The following NELL1 variants were observed in gnomAD, a reference collection of about 807,000 sequenced individuals.
NELL1 encodes neural EGFL like 1.
Under a neutral mutation model 107.4 loss-of-function variants are expected in NELL1, and 76 were observed. The observed-to-expected ratio is 0.71, with a 90% CI of 0.59 to 0.86. The LOEUF (loss-of-function observed/expected upper bound fraction) is 0.86. Ranked by LOEUF, NELL1 falls within the 40% of genes least tolerant of loss-of-function variation. The pLI is 0.00. For synonymous variants in NELL1, 353 were observed against 341.2 expected (o/e 1.03, Z -0.38); for missense variants, 1,024 against 1,005.5 (o/e 1.02, Z -0.25).
intron 14 of NELL1, among the ~76,000 whole-genome samples, chr11:21,304,244 C>T (rs1849559548): frequency 6.6e-6 from 1 of 152,020 alleles, no homozygotes; most frequent in Admixed American, 6.6e-5. Context: ...TTAGACTATT[C>T]CACACACTGT....
intron 13 of NELL1, among the ~76,000 whole-genome samples, chr11:21,173,402 A>C (rs373674989): frequency 6.6e-6 from 1 of 151,818 alleles, no homozygotes; most frequent in Non-Finnish European, 1.5e-5. Flanking sequence ...GCACTTTCAC[A>C]TTCTTTTTTT....
chr11:21,478,841 G>GAAAA (rs34783621), intron 15 of NELL1, among the ~76,000 whole-genome samples: 6 of 147,240 alleles, frequency 4.1e-5, no homozygotes, highest in Non-Finnish European at 6.0e-5. Flanking sequence ...AACCCTATAA[G>GAAAA]AAAAAAAAAA....
chr11:21,286,866 A>G (rs1849131526), intron 14 of NELL1, among the ~76,000 whole-genome samples: 1 of 152,196 alleles, frequency 6.6e-6, no homozygotes, highest in African/African-American at 2.4e-5. Flanking sequence ...AATGCATGGA[A>G]TACATGTTTG....
At chr11:20,908,539 A>C (rs918880814) in intron 5 of NELL1, among the ~76,000 whole-genome samples, 2 of 152,052 alleles carry the variant, frequency 1.3e-5, no homozygotes, top group Admixed American at 6.6e-5. Flanking sequence ...GGAACATCAC[A>C]CACTGGGGCC....
intron 4 of NELL1, among the ~76,000 whole-genome samples, chr11:20,883,698 C>A (rs946193773): frequency 6.6e-6 from 1 of 152,182 alleles, no homozygotes; most frequent in South Asian, 2.1e-4. Flanking sequence ...ATTTTGCATT[C>A]CCTTTTTTCC....
At chr11:20,976,577 A>G (rs1851640526) in intron 12 of NELL1, among the ~76,000 whole-genome samples, 1 of 152,226 alleles carries the variant, frequency 6.6e-6, no homozygotes, top group African/African-American at 2.4e-5. Context: ...AGAACATTTT[A>G]CATACCAGAT....
intron 15 of NELL1, among the ~76,000 whole-genome samples, chr11:21,373,212 T>C (rs1200606258): frequency 6.6e-6 from 1 of 152,056 alleles, no homozygotes; most frequent in Non-Finnish European, 1.5e-5. Flanking sequence ...GAGTACATAG[T>C]TTTCAGTCAG....
chr11:21,069,056 G>C (rs1052931708), intron 12 of NELL1, among the ~76,000 whole-genome samples: 1 of 152,096 alleles, frequency 6.6e-6, no homozygotes, highest in Non-Finnish European at 1.5e-5. Flanking sequence ...TTTCTTTCTT[G>C]TGGAAACACT....
intron 14 of NELL1, among the ~76,000 whole-genome samples, chr11:21,261,245 A>G (rs1039113235): frequency 1.3e-5 from 2 of 150,712 alleles, no homozygotes; most frequent in Admixed American, 6.7e-5. Context: ...GGTTTGTTGC[A>G]TAGGTAAACT....
chr11:21,126,808 C>G (rs983879258), intron 13 of NELL1, among the ~76,000 whole-genome samples: 6 of 152,274 alleles, frequency 3.9e-5, no homozygotes, highest in African/African-American at 1.4e-4. Flanking sequence ...GAATCAGATG[C>G]TTTAGGCTCA....
intron 3 of NELL1, among the ~76,000 whole-genome samples, chr11:20,806,326 G>T (rs1172366076): frequency 6.6e-6 from 1 of 151,334 alleles, no homozygotes; most frequent in African/African-American, 2.4e-5. Flanking sequence ...CAGAATAAAA[G>T]ATTTTTTCCT....
chr11:21,369,786 G>A (rs1038159131), intron 14 of NELL1, among the ~76,000 whole-genome samples: 8 of 151,978 alleles, frequency 5.3e-5, no homozygotes, highest in South Asian at 2.1e-4. Context: ...AATTTTGCAC[G>A]TTTAGTACTC....
chr11:20,752,664 T>C (rs1389560827), intron 2 of NELL1, among the ~76,000 whole-genome samples: 1 of 152,184 alleles, frequency 6.6e-6, no homozygotes, highest in East Asian at 1.9e-4. Context: ...GCTTTGGAAG[T>C]AGTCATTTCA....
intron 18 of NELL1, 70 bp from the exon 19 acceptor site, chr11:21,573,115 C>T: frequency 8.4e-7 from 1 of 1,187,902 alleles, no homozygotes; most frequent in Non-Finnish European, 1.2e-6. Context: ...TCTCTTTCCC[C>T]TTCTATGACT....
intron 2 of NELL1, among the ~76,000 whole-genome samples, chr11:20,743,514 C>T (rs1855937957): frequency 1.3e-5 from 2 of 152,096 alleles, no homozygotes; most frequent in Non-Finnish European, 2.9e-5. Flanking sequence ...TCTTTATTTT[C>T]TTTTGTAATT....
Position 20,669,721 on chromosome 11 carries a change from G to C in NELL1, c.-3G>C. 1 of 1,613,450 alleles carries C rather than the reference G, an allele frequency of 6.2e-7. No homozygotes were observed. The highest frequency in any genetic ancestry group is 8.5e-7 in the Non-Finnish European group (1 of 1,179,572). Reference sequence around the variant, plus strand: ...CCCTGCTAGGCGGGGACCCTCGAGAGCGATGCCGATGGATTTGATTTTAGT... The same window carrying C: ...CCCTGCTAGGCGGGGACCCTCGAGACCGATGCCGATGGATTTGATTTTAGT... On this transcript the variant is annotated 5_prime_UTR_variant, in exon 1 of 20. Transcript: ENST00000357134. The surrounding 1 kb of genome is among the most constrained non-coding windows in gnomAD (Gnocchi z 4.4).
intron 2 of NELL1, among the ~76,000 whole-genome samples, chr11:20,738,786 C>A (rs1855821438): frequency 1.3e-5 from 2 of 152,152 alleles, no homozygotes; most frequent in Non-Finnish European, 2.9e-5. Flanking sequence ...GGACGAGAAG[C>A]CAGATTTGAA....
intron 4 of NELL1, among the ~76,000 whole-genome samples, chr11:20,853,840 C>T (rs1349523479): frequency 6.6e-6 from 1 of 152,136 alleles, no homozygotes; most frequent in Non-Finnish European, 1.5e-5. Flanking sequence ...TGTAGTGCAG[C>T]ACAGTATTGC....
chr11:21,234,113 T>C (rs1160789057), intron 14 of NELL1, among the ~76,000 whole-genome samples: 3 of 152,216 alleles, frequency 2.0e-5, no homozygotes, highest in African/African-American at 7.2e-5. Context: ...GTAAAGCATA[T>C]GCATTAGTTA....
Sources: gnomAD v4.1 joint callset for allele counts (sites outside exome capture counted in the v4.1 genomes callset) on GRCh38, gnomAD v4.1.1 for gene constraint, Gnocchi (gnomAD v3.1) non-coding constraint, MANE v1.5 for transcripts, NCBI Gene and HGNC (gene_info 2026-07-23, HGNC 2026-07-21) for gene names.